The following CEMIP variants were observed in gnomAD, a reference collection of about 807,000 sequenced individuals.
The protein encoded by CEMIP is cell migration-inducing and hyaluronan-binding protein.
CEMIP carries 105 observed loss-of-function variants against 156.9 expected under a neutral mutation model. That is an observed-to-expected ratio of 0.67 (90% CI 0.57 to 0.79). The LOEUF is 0.79. CEMIP is among the 30% of genes least tolerant of loss of function. The probability of loss-of-function intolerance (pLI) is 0.00; values close to 1 mark genes in which losing one functional copy is unlikely to be tolerated. For synonymous variants in CEMIP, 676 were observed against 668.4 expected (o/e 1.01, Z -0.17); for missense variants, 1,457 against 1,769.4 (o/e 0.82, Z 3.17).
chr15:80,928,968 C>T lies in CEMIP; in HGVS notation c.2456+31C>T, dbSNP rs113509595. On this transcript the variant is annotated intron_variant, in intron 20 of 29. Transcript: ENST00000394685. ...GGCAACTGTCATTGTACTTGGTCCT[C>T]TGTGGGATCTTGTCTCTGGGCATCT... The T allele has an allele frequency of 2.5e-6, 4 of 1,614,102 alleles. No homozygotes were observed. In the African/African-American group the frequency reaches 4.0e-5, roughly 16 times the overall value.
intron 15 of CEMIP, among the ~76,000 whole-genome samples, chr15:80,920,719 C>T (rs1900440956): frequency 6.6e-6 from 1 of 152,196 alleles, no homozygotes; most frequent in East Asian, 1.9e-4. Context: ...CAGGGCCCCT[C>T]CCTTAGAAAG....
At position 80,792,274 on chromosome 15, in the gene CEMIP, T is replaced by C. The variant is rs188155471; in HGVS notation, c.-176+12660T>C. 1.6e-4 allele frequency among the ~76,000 whole-genome samples: 25 copies of C among 152,360 alleles called. No homozygotes were observed. The East Asian group carries it at 2.1e-3, about 13-fold the overall frequency. On this transcript the variant is annotated intron_variant, in intron 1 of 29. Transcript: ENST00000394685. ...ATTCCAGGAAGGGCCCAGTTAGGTTTTGTTGACTGCAAAATAAACTGTTCT... is the reference window on the plus strand; with the variant it reads ...ATTCCAGGAAGGGCCCAGTTAGGTTCTGTTGACTGCAAAATAAACTGTTCT...
chr15:80,924,720 G>T lies in CEMIP; in HGVS notation c.2288+14G>T. On this transcript the variant is annotated intron_variant, in intron 18 of 29. Coordinates refer to ENST00000394685, the MANE Select transcript of CEMIP (RefSeq NM_001293298.2). Reference sequence around the variant, plus strand: ...CATCTCTGCCAGGTAATCAGCCATTGGGAAGACACAGTCCACGGTGACCTT... The same window carrying T: ...CATCTCTGCCAGGTAATCAGCCATTTGGAAGACACAGTCCACGGTGACCTT... 1 of 1,612,520 alleles carries T rather than the reference G, an allele frequency of 6.2e-7. No homozygotes were observed. Among genetic ancestry groups the T allele is most frequent in the Non-Finnish European group, 8.5e-7 (1 of 1,178,632 alleles).
chr15:80,911,794 G>C (rs1900065806), intron 14 of CEMIP, among the ~76,000 whole-genome samples: 1 of 152,234 alleles, frequency 6.6e-6, no homozygotes, highest in African/African-American at 2.4e-5. Flanking sequence ...ACTCAAAAAG[G>C]GGGAAGCGGC....
chr15:80,821,607 C>G (rs1288817723), intron 1 of CEMIP, among the ~76,000 whole-genome samples: 1 of 152,184 alleles, frequency 6.6e-6, no homozygotes, highest in African/African-American at 2.4e-5. Flanking sequence ...AGAAGACAGG[C>G]TGAAGGGTTG....
intron 1 of CEMIP, among the ~76,000 whole-genome samples, chr15:80,785,591 A>G (rs1402058607): frequency 6.6e-6 from 1 of 152,218 alleles, no homozygotes; most frequent in Non-Finnish European, 1.5e-5. Context: ...CATCCCAGTC[A>G]GAAGCTGTCA....
intron 1 of CEMIP, among the ~76,000 whole-genome samples, chr15:80,806,486 ATTTTCT>A (rs911846577): frequency 6.6e-6 from 1 of 151,960 alleles, no homozygotes; most frequent in Non-Finnish European, 1.5e-5. Context: ...CAAGAGAATA[ATTTTCT>A]TCCAGGAACC....
intron 1 of CEMIP, among the ~76,000 whole-genome samples, chr15:80,837,562 T>A (rs1440395056): frequency 6.6e-6 from 1 of 152,166 alleles, no homozygotes; most frequent in Non-Finnish European, 1.5e-5. Context: ...ATGCCAGAGT[T>A]CCAGCCACTT....
At position 80,948,967 on chromosome 15, in the gene CEMIP, G is replaced by T. The variant is rs772282245; in HGVS notation, c.*43G>T. 2 of 1,613,208 alleles carry T rather than the reference G, an allele frequency of 1.2e-6. No individual in the cohort carries two copies. The highest frequency in any genetic ancestry group is 3.3e-5 in the Admixed American group (2 of 60,018). ...TGCCACCTCGTGGTAGACTATGACG[G>T]TGACTCTTGGCAGCAGACCAGTGGG... On this transcript the variant is annotated 3_prime_UTR_variant, in exon 30 of 30. Transcript: ENST00000394685.
chr15:80,883,840 T>G (rs2141833980), intron 6 of CEMIP, among the ~76,000 whole-genome samples: 1 of 152,238 alleles, frequency 6.6e-6, no homozygotes, highest in East Asian at 1.9e-4. Flanking sequence ...GCCTCCAGGA[T>G]GAAAGGGGAA....
chr15:80,786,645 C>T lies in CEMIP; in HGVS notation c.-176+7031C>T, dbSNP rs550086662. ...TGAAAACCAGAATTAAAATTAAAAA[C>T]GGAAATCTGGAATTACCACATGTGT... On this transcript the variant is annotated intron_variant, in intron 1 of 29. Transcript: ENST00000394685. Among the ~76,000 whole-genome samples the T allele has an allele frequency of 2.7e-5, 4 of 149,952 alleles. No homozygotes were observed. In the East Asian group the frequency reaches 5.9e-4, roughly 22 times the overall value.
intron 25 of CEMIP, 63 bp from the exon 26 acceptor site, chr15:80,941,786 T>G (rs1596210002): frequency 1.8e-5 from 25 of 1,387,850 alleles, no homozygotes; most frequent in Non-Finnish European, 2.5e-5. Context: ...TCTCGGTGGG[T>G]GGGAGGAGAA....
intron 1 of CEMIP, among the ~76,000 whole-genome samples, chr15:80,861,569 A>G (rs974034818): frequency 1.3e-5 from 2 of 152,160 alleles, no homozygotes; most frequent in Admixed American, 6.5e-5. Context: ...GAGAATGGGG[A>G]AAAAAGGGCC....
At chr15:80,896,670 G>A (rs1423837664) in intron 12 of CEMIP, among the ~76,000 whole-genome samples, 1 of 152,164 alleles carries the variant, frequency 6.6e-6, no homozygotes, top group Non-Finnish European at 1.5e-5. Context: ...ATTGTTGAAG[G>A]TAAAAAGAGA....
chr15:80,780,964 GT>G (rs1895776622), intron 1 of CEMIP, among the ~76,000 whole-genome samples: 1 of 152,174 alleles, frequency 6.6e-6, no homozygotes, highest in Non-Finnish European at 1.5e-5. Context: ...GGAGTCTGTG[GT>G]TTGTGACCAG....
At position 80,932,828 on chromosome 15, in the gene CEMIP, GTGTA is replaced by G. The variant is rs549249275; in HGVS notation, c.2794-413_2794-410del. 2.6e-4 allele frequency among the ~76,000 whole-genome samples: 40 copies of G among 152,304 alleles called. 1 individual carries two copies. The highest frequency in any genetic ancestry group is 3.4e-3 in the Middle Eastern group (1 of 294). On this transcript the variant is annotated intron_variant, in intron 22 of 29. Coordinates refer to ENST00000394685, the MANE Select transcript of CEMIP (RefSeq NM_001293298.2). This position sits in a 1 kb window ranked among gnomAD's most constrained non-coding sequence, Gnocchi z 4.5. ...TCTTCTCTCGCACACGGATGCCCCC[GTGTA>G]TGTGTGTGTGTATGTGTAAAAGTGT...
chr15:80,808,104 C>CTAGT (rs1896559495), intron 1 of CEMIP, among the ~76,000 whole-genome samples: 1 of 152,162 alleles, frequency 6.6e-6, no homozygotes, highest in Non-Finnish European at 1.5e-5. Context: ...TCTTAGTAAC[C>CTAGT]CTTTGAAGTC....
In CEMIP at chr15:80,878,752, G is replaced by A. The variant is rs964468215; in HGVS notation, c.126G>A (p.Glu42=). 1.2e-6 allele frequency: 2 copies of A among 1,614,178 alleles called. No homozygotes were observed. The highest frequency in any genetic ancestry group is 1.7e-6 in the Non-Finnish European group (2 of 1,180,034). Residue 42 remains glutamate (E), a synonymous_variant, in exon 4 of 30, where the codon GAG becomes GAA. Coordinates refer to ENST00000394685, the MANE Select transcript of CEMIP (RefSeq NM_001293298.2). The stretch of plus-strand genomic sequence containing the variant: ...CTGGGTGCCCTGACCAGAGCCCTGA[G>A]TTGCAACCCTGGAACCCTGGCCATG... The part of the protein sequence containing the change: ...VAAGCPDQSP[E]LQPWNPGHDQ...
chr15:80,913,706 G>A (rs1900152714), intron 14 of CEMIP, among the ~76,000 whole-genome samples: 1 of 152,196 alleles, frequency 6.6e-6, no homozygotes, highest in Non-Finnish European at 1.5e-5. Flanking sequence ...GTATCTAACT[G>A]TGTTCTGTGT....
Sources: gnomAD v4.1 joint callset for allele counts (sites outside exome capture counted in the v4.1 genomes callset) on GRCh38, gnomAD v4.1.1 for gene constraint, Gnocchi (gnomAD v3.1) non-coding constraint, MANE v1.5 for transcripts, NCBI Gene and HGNC (gene_info 2026-07-23, HGNC 2026-07-21) for gene names.